The following GAD2 variants were observed in gnomAD, a reference collection of about 807,000 sequenced individuals.
The protein encoded by GAD2 is glutamate decarboxylase 2.
Under a neutral mutation model 80.1 loss-of-function variants are expected in GAD2, and 22 were observed. That is an observed-to-expected ratio of 0.27 (90% CI 0.20 to 0.39). The LOEUF is 0.39. Among genes scored for constraint, GAD2 ranks in the 10% least tolerant of loss-of-function variants. GAD2 has a pLI of 1.00. For synonymous variants in GAD2, 274 were observed against 256.9 expected, an observed-to-expected ratio of 1.07 and a Z score of -0.64; for missense variants, 624 against 738.4, an observed-to-expected ratio of 0.85 and a Z score of 1.80.
At position 26,264,469 on chromosome 10, in the gene GAD2, C is replaced by T. The variant is rs546806805; in HGVS notation, c.921-4650C>T. On this transcript the variant is annotated intron_variant, in intron 8 of 15. Coordinates refer to ENST00000376261, the MANE Select transcript of GAD2 (RefSeq NM_001134366.2). ...GACTACAGGTGCCCACCACCACGCC[C>T]GGCTGATTTTTTGTATTTTTTTAGT... is the stretch of plus-strand genomic sequence containing the variant. 8.3e-5 allele frequency among the ~76,000 whole-genome samples: 12 copies of T among 143,870 alleles called. No individual in the cohort carries two copies. In the East Asian group the frequency reaches 2.0e-3, roughly 24 times the overall value. 94.4% of individuals were successfully genotyped at this position (143,870 alleles called of 152,430 possible).
intron 8 of GAD2, among the ~76,000 whole-genome samples, chr10:26,260,752 A>G (rs1401478916): frequency 2.6e-5 from 4 of 152,200 alleles, no homozygotes; most frequent in Non-Finnish European, 1.5e-5. Flanking sequence ...CTTCCCCAGT[A>G]CTATAAAGGG....
intron 7 of GAD2, among the ~76,000 whole-genome samples, chr10:26,242,096 C>T (rs769242617): frequency 7.9e-5 from 12 of 152,152 alleles, no homozygotes; most frequent in Non-Finnish European, 1.3e-4. Context: ...TGCCATTCTC[C>T]TGCCTCAGCC....
Position 26,245,961 on chromosome 10 carries a change from T to C in GAD2, c.881T>C (p.Ile294Thr), listed in dbSNP as rs138151086. Reference protein sequence around the residue: ...SLKKGAAALGIGTDSVILIKC... With the variant: ...SLKKGAAALGTGTDSVILIKC... Reference sequence around the variant, plus strand: ...AAGAAGGGAGCTGCAGCCTTAGGGATTGGAACAGACAGCGTGATTCTGATT... The same window carrying C: ...AAGAAGGGAGCTGCAGCCTTAGGGACTGGAACAGACAGCGTGATTCTGATT... The change falls in exon 8 of 16, where the codon ATT becomes ACT. Residue 294 changes from isoleucine (I) to threonine (T), a missense_variant. By Grantham distance (89) the Ile-to-Thr change is moderately conservative. Transcript: ENST00000376261. 1.6e-4 allele frequency: 253 copies of C among 1,614,144 alleles called. No homozygotes were observed. The highest frequency in any genetic ancestry group is 1.3e-3 in the African/African-American group (99 of 75,038).
intron 7 of GAD2, among the ~76,000 whole-genome samples, chr10:26,240,194 A>G (rs78116113): frequency 0.03 from 4,509 of 152,232 alleles, 200 homozygotes; most frequent in African/African-American, 0.1. Flanking sequence ...CTCTAAAGGG[A>G]TTAGATTTAC....
intron 3 of GAD2, among the ~76,000 whole-genome samples, chr10:26,218,553 A>T (rs12765251): frequency 0.42 from 30,778 of 73,272 alleles, 3,957 homozygotes; most frequent in African/African-American, 0.56. Flanking sequence ...TCTCTCTCTC[A>T]CACACACACA....
At chr10:26,243,788 G>C (rs1437925503) in intron 7 of GAD2, among the ~76,000 whole-genome samples, 2 of 152,232 alleles carry the variant, frequency 1.3e-5, no homozygotes, top group African/African-American at 4.8e-5. Context: ...GCTAGATTTA[G>C]GGTCACTTGT....
intron 7 of GAD2, among the ~76,000 whole-genome samples, chr10:26,232,447 C>A (rs184109317): frequency 6.7e-6 from 1 of 149,552 alleles, no homozygotes; most frequent in East Asian, 1.9e-4. Context: ...CCTTCTTTTC[C>A]TGATACTGTA....
intron 7 of GAD2, among the ~76,000 whole-genome samples, chr10:26,232,836 G>A (rs903692461): frequency 1.1e-4 from 16 of 151,900 alleles, no homozygotes; most frequent in African/African-American, 3.4e-4. Flanking sequence ...AACACAATTC[G>A]GCCGTATAAC....
intron 8 of GAD2, among the ~76,000 whole-genome samples, chr10:26,268,796 A>G (rs7076544): frequency 0.33 from 50,249 of 152,156 alleles, 12,027 homozygotes; most frequent in African/African-American, 0.68. Flanking sequence ...ATTGCCAAAC[A>G]TTTTGCTCCA....
At position 26,217,667 on chromosome 10, in the gene GAD2, G is replaced by T. The variant is rs765976449; in HGVS notation, c.134G>T (p.Cys45Phe). The change falls in exon 2 of 16, where the codon TGC (cysteine) becomes TTC (phenylalanine). Residue 45 changes from cysteine to phenylalanine, a missense_variant and splice_region_variant. Coordinates refer to ENST00000376261, the MANE Select transcript of GAD2 (RefSeq NM_001134366.2). The surrounding 1 kb of genome is among the most constrained non-coding windows in gnomAD (Gnocchi z 4.9). The stretch of plus-strand genomic sequence containing the variant: ...ACGGGCGGCATCGGAAACAAACTGT[G>T]CGGTGAGTGCCCAGGGACCGGGGCG... ...KFTGGIGNKLCALLYGDAEKP... is the reference protein window; with the variant it reads ...KFTGGIGNKLFALLYGDAEKP... 36 of 1,613,476 alleles carry T rather than the reference G, an allele frequency of 2.2e-5. No homozygotes were observed. In the Middle Eastern group the frequency reaches 6.6e-4, roughly 30 times the overall value.
intron 3 of GAD2, 54 bp downstream of exon 3, chr10:26,218,045 C>T (rs1005758175): frequency 2.0e-6 from 3 of 1,517,036 alleles, no homozygotes; most frequent in East Asian, 2.4e-5. Flanking sequence ...TCTGCCCCGC[C>T]CACCGCGGCC....
At chr10:26,248,217 C>G (rs956840903) in intron 8 of GAD2, among the ~76,000 whole-genome samples, 5 of 152,092 alleles carry the variant, frequency 3.3e-5, no homozygotes, top group African/African-American at 1.2e-4. Context: ...CAGTTTGGCC[C>G]GAAAGGGTGG....
At chr10:26,221,902 G>A (rs1302326133) in intron 4 of GAD2, among the ~76,000 whole-genome samples, 2 of 152,204 alleles carry the variant, frequency 1.3e-5, no homozygotes, top group African/African-American at 4.8e-5. Context: ...CCTGACCTAT[G>A]GGGGCAGGTC....
Position 26,303,770 on chromosome 10 carries a change from C to G in GAD2, c.*2809C>G, listed in dbSNP as rs1834353696. 6.6e-6 allele frequency: 1 copy of G among 152,198 alleles called. No homozygotes were observed. The highest frequency in any genetic ancestry group is 2.4e-5 in the African/African-American group (1 of 41,444). The allele number at this position is 152,198 out of a possible 1,614,324, so 9.4% of individuals were successfully genotyped here. A position where few individuals can be genotyped will look rare whatever the true frequency, so the allele number is the denominator to read the frequency against. On this transcript the variant is annotated 3_prime_UTR_variant, in exon 16 of 16. Coordinates refer to ENST00000376261, the MANE Select transcript of GAD2 (RefSeq NM_001134366.2). ...AGGATGTGAGGAAAGAAAAGGAAAT[C>G]AATTCTGACTGTGTTGCCTTTATTA... is the stretch of plus-strand genomic sequence containing the variant.
rs2839673 is a variant in GAD2, at chr10:26,224,622, G to A, written c.695G>A (p.Gly232Glu). The change falls in exon 6 of 16, where the codon GGG becomes GAG. Residue 232 changes from glycine (G) to glutamate (E), a missense_variant. Physicochemically the swap from Gly to Glu is moderately conservative, Grantham distance 98. Coordinates refer to ENST00000376261, the MANE Select transcript of GAD2 (RefSeq NM_001134366.2). Reference sequence around the variant, plus strand: ...ATGAGAGAAATCATTGGCTGGCCAGGGGGCTCTGGCGATGGGATATTTTCT... The same window carrying A: ...ATGAGAGAAATCATTGGCTGGCCAGAGGGCTCTGGCGATGGGATATTTTCT... ...KKMREIIGWP[G>E]GSGDGIFSPG... The A allele has an allele frequency of 7.8e-3, 12,617 of 1,613,388 alleles. 71 individuals are homozygous for A. The highest frequency in any genetic ancestry group is 8.9e-3 in the Non-Finnish European group (10,546 of 1,179,424).
At chr10:26,268,055 T>G (rs1845092214) in intron 8 of GAD2, among the ~76,000 whole-genome samples, 1 of 152,214 alleles carries the variant, frequency 6.6e-6, no homozygotes, top group South Asian at 2.1e-4. Context: ...AACCACTGAT[T>G]GTGATAATCA....
intron 3 of GAD2, 72 bp from the exon 4 acceptor site, chr10:26,218,971 G>A: frequency 9.1e-7 from 1 of 1,099,342 alleles, no homozygotes; most frequent in South Asian, 1.9e-5. Flanking sequence ...AAATGTTATT[G>A]CCTCATCAAG....
chr10:26,255,972 A>G (rs759792298), intron 8 of GAD2, among the ~76,000 whole-genome samples: 1 of 152,164 alleles, frequency 6.6e-6, no homozygotes, highest in Non-Finnish European at 1.5e-5. Context: ...CAAGCTGCTA[A>G]TGACTTTCAA....
chr10:26,285,674 G>A (rs916470722), intron 12 of GAD2, among the ~76,000 whole-genome samples: 2 of 152,064 alleles, frequency 1.3e-5, no homozygotes, highest in African/African-American at 4.8e-5. Context: ...CTGAGTATGC[G>A]AATGCAGGAC....
Sources: gnomAD v4.1 joint callset for allele counts (sites outside exome capture counted in the v4.1 genomes callset) on GRCh38, gnomAD v4.1.1 for gene constraint, Gnocchi (gnomAD v3.1) non-coding constraint, MANE v1.5 for transcripts, NCBI Gene and HGNC (gene_info 2026-07-23, HGNC 2026-07-21) for gene names.